The following FNDC3B variants were observed in gnomAD, a reference collection of about 807,000 sequenced individuals.
FNDC3B encodes fibronectin type III domain containing 3B, also known as fibronectin type III domain-containing protein 3B.
FNDC3B carries 12 observed loss-of-function variants against 151.5 expected under a neutral mutation model. That is an observed-to-expected ratio of 0.08 (90% confidence interval 0.05 to 0.13). FNDC3B has a LOEUF of 0.13. Ranked by LOEUF, FNDC3B falls within the 10% of genes least tolerant of loss-of-function variation. FNDC3B has a pLI of 1.00. For missense variants in FNDC3B, 1,214 were observed against 1,505.3 expected, an observed-to-expected ratio of 0.81 and a Z score of 3.20; for synonymous variants, 528 against 549.0, an observed-to-expected ratio of 0.96 and a Z score of 0.54.
rs560483142 is a variant in FNDC3B at position 172,396,120 on chromosome 3, C to T, written c.3304-1044C>T. Among the ~76,000 whole-genome samples the T allele has an allele frequency of 2.6e-5, 4 of 152,136 alleles. No homozygotes were observed. The East Asian group carries it at 7.7e-4, about 29-fold the overall frequency. ...TCTTATTAATAGCATTTTTATTATA[C>T]GAAACCTCCAAACTGGAAATAACCC... On this transcript the variant is annotated intron_variant, in intron 25 of 25. Transcript: ENST00000415807.
At position 172,336,230 on chromosome 3, in the gene FNDC3B, C is replaced by T. The variant is rs180902487; in HGVS notation, c.1781-1100C>T. Among the ~76,000 whole-genome samples the T allele has an allele frequency of 4.5e-3, 692 of 152,156 alleles. 6 individuals are homozygous for T. The highest frequency in any genetic ancestry group is 0.011 in the South Asian group (54 of 4,820). ...ACTTAAGATTTTTTAGAAAAATCTC[C>T]GCTATGTCTAAGAATATAGAAGTGG... On this transcript the variant is annotated intron_variant, in intron 15 of 25. Transcript: ENST00000415807.
chr3:172,234,730 CCTTT>C (rs750841765), intron 4 of FNDC3B, among the ~76,000 whole-genome samples: 69 of 152,178 alleles, frequency 4.5e-4, no homozygotes, highest in Admixed American at 1.6e-3. Context: ...TTAAATTTGC[CCTTT>C]CTATTACATT....
At chr3:172,051,562 G>A (rs559336219) in intron 1 of FNDC3B, among the ~76,000 whole-genome samples, 1 of 152,262 alleles carries the variant, frequency 6.6e-6, no homozygotes, top group East Asian at 1.9e-4. Context: ...GGGAAAGGTT[G>A]GGAAGAGGGT....
At position 172,223,205 on chromosome 3, in the gene FNDC3B, A is replaced by C. The variant is rs1726378334; in HGVS notation, c.188-3666A>C. The stretch of plus-strand genomic sequence containing the variant: ...ATAGTAAACTCACAGATTGGGAAAT[A>C]AATGTTTAGGAAGACAATAACTTCT... On this transcript the variant is annotated intron_variant, in intron 3 of 25. Transcript: ENST00000415807. Among the ~76,000 whole-genome samples the C allele has an allele frequency of 2.0e-5, 3 of 152,232 alleles. No individual in the cohort carries two copies. The South Asian group carries it at 6.2e-4, about 31-fold the overall frequency.
At chr3:172,089,492 G>A (rs762886177) in intron 1 of FNDC3B, among the ~76,000 whole-genome samples, 8 of 152,168 alleles carry the variant, frequency 5.3e-5, no homozygotes, top group South Asian at 4.1e-4. Context: ...TCAGTTGATC[G>A]AAGGTAGGGG....
chr3:172,269,632 G>GTTGTTTTGTT (rs370434414), intron 6 of FNDC3B, among the ~76,000 whole-genome samples: 5 of 151,480 alleles, frequency 3.3e-5, no homozygotes, highest in African/African-American at 1.2e-4. Context: ...TTTTTTGTTT[G>GTTGTTTTGTT]TTGTTTTGTT....
At chr3:172,337,426 T>G (rs1405747001) in intron 16 of FNDC3B, 25 bp downstream of exon 16, 1 of 1,484,248 alleles carries the variant, frequency 6.7e-7, no homozygotes, top group South Asian at 1.1e-5. Flanking sequence ...AATTGTTTTA[T>G]TCAAATCCAA....
In FNDC3B at chr3:172,328,989, G is replaced by A. The variant is rs757155774; in HGVS notation, c.1292G>A (p.Gly431Glu). ...AGTGGTTTCAGACAGTGCTTCTTCG[G>A]GAGCCAGAAGCACTGCAAGTTGACA... is the stretch of plus-strand genomic sequence containing the variant. Reference protein sequence around the residue: ...RNSGFRQCFFGSQKHCKLTKL... With the variant: ...RNSGFRQCFFESQKHCKLTKL... Residue 431 changes from glycine to glutamate, a missense_variant, in exon 12 of 26, where the codon GGG becomes GAG. Physicochemically the swap from Gly to Glu is moderately conservative, Grantham distance 98 (BLOSUM62 -2). Transcript: ENST00000415807. 6.2e-7 allele frequency: 1 copy of A among 1,613,050 alleles called. No homozygotes were observed.
In FNDC3B at chr3:172,397,544, C is replaced by G; in HGVS notation, c.*69C>G. 1.0e-6 allele frequency: 1 copy of G among 980,156 alleles called. No homozygotes were observed. The highest frequency in any genetic ancestry group is 1.7e-5 in the South Asian group (1 of 57,994). The allele number at this position is 980,156 out of a possible 1,614,324, so 60.7% of individuals were successfully genotyped here. On this transcript the variant is annotated 3_prime_UTR_variant, in exon 26 of 26. Coordinates refer to ENST00000415807, the MANE Select transcript of FNDC3B (RefSeq NM_022763.4). Reference sequence around the variant, plus strand: ...TACACACATTTATTCAGATACTCCCCTTTTTAAAGCCCTTTTGTTTTTTGA... The same window carrying G: ...TACACACATTTATTCAGATACTCCCGTTTTTAAAGCCCTTTTGTTTTTTGA...
At chr3:172,182,740 G>A (rs1228187425) in intron 3 of FNDC3B, among the ~76,000 whole-genome samples, 1 of 152,196 alleles carries the variant, frequency 6.6e-6, no homozygotes, top group Non-Finnish European at 1.5e-5. Flanking sequence ...AAAGTGCAGT[G>A]ATACATGAGT....
chr3:172,394,214 C>T (rs762252655), intron 25 of FNDC3B, among the ~76,000 whole-genome samples: 15 of 147,240 alleles, frequency 1.0e-4, no homozygotes, highest in Non-Finnish European at 1.9e-4. Flanking sequence ...GAGATCCCAA[C>T]GTAACATTAT....
Position 172,343,002 on chromosome 3 carries a change from C to T in FNDC3B, c.1972-9C>T, listed in dbSNP as rs1383783861. 3 of 1,547,888 alleles carry T rather than the reference C, an allele frequency of 1.9e-6. No homozygotes were observed. The highest frequency in any genetic ancestry group is 1.8e-6 in the Non-Finnish European group (2 of 1,119,772). On this transcript the variant is annotated splice_polypyrimidine_tract_variant and intron_variant, in intron 17 of 25. Transcript: ENST00000415807. ...TAAGAGATGGTTCTCTCTGGTGTTT[C>T]TCCTGCAGTGTTCTGAAAGTCTCCC...
chr3:172,368,271 TAA>T (rs140694988), intron 23 of FNDC3B, among the ~76,000 whole-genome samples: 31,278 of 139,556 alleles, frequency 0.22, 3,855 homozygotes, highest in African/African-American at 0.34. Flanking sequence ...CCCAGACTCT[TAA>T]AAAAAAAAAA....
At chr3:172,148,087 G>C (rs1722010613) in intron 3 of FNDC3B, among the ~76,000 whole-genome samples, 1 of 151,858 alleles carries the variant, frequency 6.6e-6, no homozygotes, top group African/African-American at 2.4e-5. Flanking sequence ...TAATTCAGTT[G>C]CTAATTTTAT....
At chr3:172,381,793 A>G (rs959785101) in intron 25 of FNDC3B, among the ~76,000 whole-genome samples, 4 of 152,222 alleles carry the variant, frequency 2.6e-5, no homozygotes, top group Admixed American at 6.5e-5. Flanking sequence ...TACAAAGGAC[A>G]TGAACTCGTT....
chr3:172,179,751 C>T (rs114226483), intron 3 of FNDC3B, among the ~76,000 whole-genome samples: 2,043 of 150,192 alleles, frequency 0.014, 43 homozygotes, highest in African/African-American at 0.046. Context: ...GGCATGGTGG[C>T]GACTGCCTGT....
At chr3:172,312,628 CTG>C (rs1731572379) in intron 11 of FNDC3B, among the ~76,000 whole-genome samples, 1 of 151,878 alleles carries the variant, frequency 6.6e-6, no homozygotes, top group African/African-American at 2.4e-5. Context: ...TCTTAGGGCA[CTG>C]TGTGTGTATG....
chr3:172,147,832 A>G (rs1721996761), intron 3 of FNDC3B, among the ~76,000 whole-genome samples: 1 of 152,198 alleles, frequency 6.6e-6, no homozygotes, highest in South Asian at 2.1e-4. Flanking sequence ...GTACCCTTAA[A>G]TTAAAAAGAA....
chr3:172,230,235 G>A (rs1263579024), intron 4 of FNDC3B, among the ~76,000 whole-genome samples: 1 of 151,978 alleles, frequency 6.6e-6, no homozygotes. Context: ...GCTCACGCCT[G>A]TAATCCCAAC....
Sources: gnomAD v4.1 joint callset for allele counts (sites outside exome capture counted in the v4.1 genomes callset) on GRCh38, gnomAD v4.1.1 for gene constraint, MANE v1.5 for transcripts, NCBI Gene and HGNC (gene_info 2026-07-23, HGNC 2026-07-21) for gene names.